Variants in TNNI3K observed in about 807,000 individuals in gnomAD.
TNNI3K encodes the protein TNNI3 interacting kinase.
A neutral mutation model predicts 114.5 loss-of-function variants in TNNI3K; 140 were observed. That is an observed-to-expected ratio of 1.22 (90% CI 1.07 to 1.41). The LOEUF is 1.41. Among genes scored for constraint, TNNI3K ranks in the 40% most tolerant of loss-of-function variants. The pLI is 0.00. For missense variants in TNNI3K, 1,125 were observed against 1,007.6 expected (o/e 1.12, Z -1.58); for synonymous variants, 347 against 347.5 (o/e 1.00, Z 0.02).
At chr1:74,540,642 C>A (rs1361534229) in intron 24 of TNNI3K, among the ~76,000 whole-genome samples, 1 of 150,958 alleles carries the variant, frequency 6.6e-6, no homozygotes, top group Non-Finnish European at 1.5e-5. Context: ...TCATGATATT[C>A]CGAATACTTT....
At position 74,508,611 on chromosome 1, in the gene TNNI3K, A is replaced by G. The variant is rs144477903; in HGVS notation, c.2351+16345A>G. Among the ~76,000 whole-genome samples the G allele has an allele frequency of 6.1e-4, 93 of 152,330 alleles. 1 individual carries two copies. Among genetic ancestry groups the G allele is most frequent in the African/African-American group, 2.1e-3 (88 of 41,582 alleles). On this transcript the variant is annotated intron_variant, in intron 23 of 24. Coordinates refer to ENST00000326637, the MANE Select transcript of TNNI3K (RefSeq NM_015978.3). ...GCATTCAGAGGATAAGTAGCGAATC[A>G]GTCTGCCAGAGCGGTAGCATGGGAG...
rs759876091 is a variant in TNNI3K, at chr1:74,364,387, A to G, written c.1178-2869A>G. 1.9e-4 allele frequency among the ~76,000 whole-genome samples: 29 copies of G among 152,030 alleles called. 2 individuals carry two copies. The highest frequency in any genetic ancestry group is 3.4e-3 in the Middle Eastern group (1 of 292). Reference sequence around the variant, plus strand: ...ACCAAAGCTAGAAAAGAAAATGCTCAACAGCAGGCAGCACCAACACACAAG... The same window carrying G: ...ACCAAAGCTAGAAAAGAAAATGCTCGACAGCAGGCAGCACCAACACACAAG... On this transcript the variant is annotated intron_variant, in intron 11 of 24. Transcript: ENST00000326637.
intron 5 of TNNI3K, among the ~76,000 whole-genome samples, chr1:74,316,532 A>T (rs1659312614): frequency 6.6e-6 from 1 of 151,632 alleles, no homozygotes; most frequent in African/African-American, 2.4e-5. Context: ...CTCTACCCGG[A>T]CTTTTCTTCT....
intron 23 of TNNI3K, among the ~76,000 whole-genome samples, chr1:74,506,359 G>T (rs566032073): frequency 5.9e-5 from 9 of 152,110 alleles, no homozygotes; most frequent in Non-Finnish European, 8.8e-5. Context: ...AGTATAAATG[G>T]CCTGCCCAAG....
At chr1:74,449,883 C>G (rs1666907671) in intron 20 of TNNI3K, among the ~76,000 whole-genome samples, 1 of 136,874 alleles carries the variant, frequency 7.3e-6, no homozygotes, top group African/African-American at 2.9e-5. Context: ...AGGAATTGAA[C>G]TCAGCTCTGC....
chr1:74,329,670 A>G (rs1211797664), intron 5 of TNNI3K, among the ~76,000 whole-genome samples: 1 of 152,094 alleles, frequency 6.6e-6, no homozygotes, highest in Non-Finnish European at 1.5e-5. Flanking sequence ...TCAAACTATG[A>G]AGCACTCAGA....
intron 17 of TNNI3K, among the ~76,000 whole-genome samples, chr1:74,420,639 T>G (rs766463190): frequency 1.3e-5 from 2 of 152,152 alleles, no homozygotes; most frequent in Non-Finnish European, 2.9e-5. Context: ...ATTAAGCAGC[T>G]GCATTCAAAC....
intron 2 of TNNI3K, among the ~76,000 whole-genome samples, chr1:74,246,584 A>G (rs892936558): frequency 6.6e-6 from 1 of 152,230 alleles, no homozygotes; most frequent in Non-Finnish European, 1.5e-5. Context: ...CACAAGAAAA[A>G]AAAACAAAGT....
intron 5 of TNNI3K, among the ~76,000 whole-genome samples, chr1:74,294,355 G>T (rs2100212): frequency 0.99 from 150,737 of 152,102 alleles, 74,711 homozygotes; most frequent in Middle Eastern, 1. Context: ...CTAGGATATG[G>T]GTTTTCTTTC....
intron 5 of TNNI3K, among the ~76,000 whole-genome samples, chr1:74,284,907 G>A (rs1657233611): frequency 6.6e-6 from 1 of 152,240 alleles, no homozygotes; most frequent in South Asian, 2.1e-4. Context: ...GGCAGGTCCT[G>A]ACAATAGTTA....
At chr1:74,415,495 A>G (rs1047726626) in intron 17 of TNNI3K, among the ~76,000 whole-genome samples, 2 of 151,984 alleles carry the variant, frequency 1.3e-5, no homozygotes, top group South Asian at 2.1e-4. Context: ...TCCTGCTTTC[A>G]TTGTTTTCAC....
chr1:74,335,326 C>T (rs1660408907), intron 6 of TNNI3K, among the ~76,000 whole-genome samples: 1 of 152,136 alleles, frequency 6.6e-6, no homozygotes, highest in Admixed American at 6.6e-5. Context: ...AACTCTTAAT[C>T]AGTATATGAT....
At chr1:74,516,513 G>A (rs1646350220) in intron 23 of TNNI3K, among the ~76,000 whole-genome samples, 1 of 152,172 alleles carries the variant, frequency 6.6e-6, no homozygotes, top group African/African-American at 2.4e-5. Flanking sequence ...TGAGAAAGAA[G>A]TTCATTGTGT....
chr1:74,323,867 A>G (rs1226881827), intron 5 of TNNI3K, among the ~76,000 whole-genome samples: 1 of 152,230 alleles, frequency 6.6e-6, no homozygotes, highest in African/African-American at 2.4e-5. Flanking sequence ...GTCAGTGAGG[A>G]AAAGCAACAC....
chr1:74,541,317 A>T (rs909410683), intron 24 of TNNI3K, among the ~76,000 whole-genome samples: 1 of 152,184 alleles, frequency 6.6e-6, no homozygotes, highest in African/African-American at 2.4e-5. Flanking sequence ...TGTTCTGAAT[A>T]GATGCAAACA....
At chr1:74,504,053 G>A (rs1557612464) in intron 23 of TNNI3K, among the ~76,000 whole-genome samples, 1 of 152,264 alleles carries the variant, frequency 6.6e-6, no homozygotes, top group South Asian at 2.1e-4. Context: ...CCTCTTCACC[G>A]CATCCCTAGG....
At chr1:74,265,199 G>T (rs1025983953) in intron 4 of TNNI3K, among the ~76,000 whole-genome samples, 4 of 151,980 alleles carry the variant, frequency 2.6e-5, no homozygotes, top group East Asian at 1.9e-4. Context: ...TCTCTGAAAA[G>T]AATGTAGGAG....
intron 11 of TNNI3K, among the ~76,000 whole-genome samples, chr1:74,359,843 A>C (rs1661859991): frequency 6.6e-6 from 1 of 152,002 alleles, no homozygotes; most frequent in Non-Finnish European, 1.5e-5. Context: ...AGGACCCTGC[A>C]AAACTCAACA....
intron 5 of TNNI3K, among the ~76,000 whole-genome samples, chr1:74,310,921 G>A (rs985602398): frequency 8.6e-5 from 13 of 152,034 alleles, no homozygotes; most frequent in African/African-American, 3.1e-4. Flanking sequence ...ACAGAGGATG[G>A]CCAAGTGCTA....
Sources: gnomAD v4.1 joint callset for allele counts (sites outside exome capture counted in the v4.1 genomes callset) on GRCh38, gnomAD v4.1.1 for gene constraint, MANE v1.5 for transcripts, NCBI Gene and HGNC (gene_info 2026-07-23, HGNC 2026-07-21) for gene names.